ASIC2: variants seen among roughly 807,000 people sequenced by gnomAD.
ASIC2 encodes acid-sensing ion channel 2.
ASIC2 carries 25 observed loss-of-function variants against 57.3 expected under a neutral mutation model. The ratio of observed to expected loss-of-function variants is 0.44; its 90% CI spans 0.32 to 0.61. The LOEUF (loss-of-function observed/expected upper bound fraction) is 0.61. Among genes scored for constraint, ASIC2 ranks in the 20% least tolerant of loss-of-function variants. The pLI, the probability that ASIC2 is intolerant of heterozygous loss-of-function variation, is 0.06. For missense variants in ASIC2, 641 were observed against 738.1 expected, an observed-to-expected ratio of 0.87 and a Z score of 1.52; for synonymous variants, 319 against 307.5, an observed-to-expected ratio of 1.04 and a Z score of -0.39.
At chr17:33,990,068 T>C (rs9898696) in intron 1 of ASIC2, among the ~76,000 whole-genome samples, 32,587 of 152,042 alleles carry the variant, frequency 0.21, 3,835 homozygotes, top group African/African-American at 0.29. Flanking sequence ...TGCAAAAGAA[T>C]GAGAGAAGAA....
At chr17:34,016,044 T>C (rs1387740897) in intron 1 of ASIC2, among the ~76,000 whole-genome samples, 1 of 152,234 alleles carries the variant, frequency 6.6e-6, no homozygotes, top group African/African-American at 2.4e-5. Context: ...AACATGTCCT[T>C]TCGTCCAGAA....
At chr17:33,098,928 A>AAT (rs971047376) in intron 2 of ASIC2, among the ~76,000 whole-genome samples, 11 of 150,536 alleles carry the variant, frequency 7.3e-5, no homozygotes, top group Non-Finnish European at 1.5e-4. Flanking sequence ...ACACACACAA[A>AAT]ATATATATAT....
At chr17:33,473,330 A>G (rs897151797) in intron 1 of ASIC2, among the ~76,000 whole-genome samples, 2 of 152,224 alleles carry the variant, frequency 1.3e-5, no homozygotes, top group African/African-American at 2.4e-5. Context: ...TAAACATCCC[A>G]TCGGCTTACC....
chr17:33,262,680 C>A (rs996077299), intron 1 of ASIC2, among the ~76,000 whole-genome samples: 2 of 152,160 alleles, frequency 1.3e-5, no homozygotes, highest in African/African-American at 4.8e-5. Context: ...GTGGTTAAAC[C>A]TTGTTGAGTG....
intron 1 of ASIC2, among the ~76,000 whole-genome samples, chr17:33,733,308 G>A (rs1033314293): frequency 3.0e-4 from 46 of 152,124 alleles, no homozygotes; most frequent in Admixed American, 2.6e-4. Flanking sequence ...GTATTTGCAC[G>A]GGTTCCTAAT....
intron 1 of ASIC2, among the ~76,000 whole-genome samples, chr17:33,991,755 G>A (rs935987565): frequency 6.6e-6 from 1 of 152,122 alleles, no homozygotes; most frequent in African/African-American, 2.4e-5. Flanking sequence ...CTACCCAGTG[G>A]GGGCAGATTT....
At chr17:33,532,953 C>T (rs11652482) in intron 1 of ASIC2, among the ~76,000 whole-genome samples, 5 of 152,190 alleles carry the variant, frequency 3.3e-5, no homozygotes, top group Admixed American at 1.3e-4. Context: ...ACCAAAAATA[C>T]GTCCAAAGAT....
In ASIC2 at chr17:33,753,585, C is replaced by T. The variant is rs563236191; in HGVS notation, c.555+402393G>A. ...GAATCACAGCAGCTTCAGAGAGACT[C>T]CAGTGCAGCCGTGTGGTGGAGGAAG... On this transcript the variant is annotated intron_variant, in intron 1 of 9. Coordinates refer to the ASIC2 transcript ENST00000359872. Among the ~76,000 whole-genome samples, 9 of 152,306 alleles carry T rather than the reference C, an allele frequency of 5.9e-5. No homozygotes were observed. In the East Asian group the frequency reaches 1.7e-3, roughly 29 times the overall value.
At chr17:33,409,737 G>C (rs1023677036) in intron 1 of ASIC2, among the ~76,000 whole-genome samples, 7 of 152,194 alleles carry the variant, frequency 4.6e-5, no homozygotes, top group African/African-American at 1.7e-4. Context: ...ATGTGTGGGG[G>C]AGGGGTATGA....
chr17:34,154,017 A>G (rs1904623286), intron 1 of ASIC2, among the ~76,000 whole-genome samples: 1 of 152,228 alleles, frequency 6.6e-6, no homozygotes, highest in South Asian at 2.1e-4. Flanking sequence ...GAACTTAGAC[A>G]TGGATTCAGA....
At chr17:33,408,446 G>A (rs1404296491) in intron 1 of ASIC2, among the ~76,000 whole-genome samples, 2 of 152,138 alleles carry the variant, frequency 1.3e-5, no homozygotes, top group African/African-American at 2.4e-5. Context: ...ATATGTATCC[G>A]GTACTTAGCT....
At chr17:34,099,586 G>A (rs530905207) in intron 1 of ASIC2, among the ~76,000 whole-genome samples, 4 of 140,064 alleles carry the variant, frequency 2.9e-5, no homozygotes, top group African/African-American at 1.1e-4. Context: ...AAGAAGGAAG[G>A]AAAGAAAGAG....
rs553239404 is a variant in ASIC2, at chr17:33,722,130, G to A, written c.555+433848C>T. Among the ~76,000 whole-genome samples the A allele has an allele frequency of 6.6e-5, 10 of 152,324 alleles. No homozygotes were observed. The South Asian group carries it at 1.7e-3, about 25-fold the overall frequency. On this transcript the variant is annotated intron_variant, in intron 1 of 9. Coordinates refer to the ASIC2 transcript ENST00000359872. ...GTGTCTGTGAAAGGACCCAGTGGGA[G>A]GTAATTGAATCATGGGGGTGGGATT...
At chr17:33,728,301 C>A (rs1026194414) in intron 1 of ASIC2, among the ~76,000 whole-genome samples, 34 of 152,156 alleles carry the variant, frequency 2.2e-4, no homozygotes, top group African/African-American at 7.7e-4. Flanking sequence ...CATAAGGGAC[C>A]TCCAGACCTC....
intron 2 of ASIC2, among the ~76,000 whole-genome samples, chr17:33,097,774 G>T (rs972858534): frequency 6.6e-6 from 1 of 152,230 alleles, no homozygotes; most frequent in African/African-American, 2.4e-5. Context: ...GTGGGACAGC[G>T]ACAGTAACAC....
chr17:33,351,222 C>G (rs370998198), intron 1 of ASIC2, among the ~76,000 whole-genome samples: 1 of 152,124 alleles, frequency 6.6e-6, no homozygotes, highest in East Asian at 1.9e-4. Flanking sequence ...ATTTGGCCCC[C>G]CTCCTCCCCT....
chr17:33,544,716 A>T (rs922835525), intron 1 of ASIC2, among the ~76,000 whole-genome samples: 2 of 152,216 alleles, frequency 1.3e-5, no homozygotes, highest in Admixed American at 6.5e-5. Flanking sequence ...TCACTTAGAA[A>T]AAATTTTGCA....
rs145271811 is a variant in ASIC2 at position 34,134,874 on chromosome 17, C to A, written c.555+21104G>T. Reference sequence around the variant, plus strand: ...TGGGGCCACCCCCTACCTTCGCCCACCCATACGTAGGCAGTACCTCCTTGG... The same window carrying A: ...TGGGGCCACCCCCTACCTTCGCCCAACCATACGTAGGCAGTACCTCCTTGG... On this transcript the variant is annotated intron_variant, in intron 1 of 9. Coordinates refer to the ASIC2 transcript ENST00000359872. Among the ~76,000 whole-genome samples, 412 of 152,306 alleles carry A rather than the reference C, an allele frequency of 2.7e-3. 3 individuals are homozygous for A. Among genetic ancestry groups the A allele is most frequent in the African/African-American group, 9.3e-3 (386 of 41,568 alleles).
At chr17:34,038,262 T>A (rs1907968186) in intron 1 of ASIC2, 2 of 1,610,654 alleles carry the variant, frequency 1.2e-6, no homozygotes, top group Non-Finnish European at 1.7e-6. Context: ...GACATTAATT[T>A]GTGCTGTTTC....
Sources: gnomAD v4.1 joint callset for allele counts (sites outside exome capture counted in the v4.1 genomes callset) on GRCh38, gnomAD v4.1.1 for gene constraint, MANE v1.5 for transcripts, NCBI Gene and HGNC (gene_info 2026-07-23, HGNC 2026-07-21) for gene names.